MLYCD: variants seen among roughly 807,000 people sequenced by gnomAD.
MLYCD encodes malonyl-CoA decarboxylase, also known as malonyl-CoA decarboxylase, mitochondrial.
In MLYCD, 27 loss-of-function variants were observed where a neutral mutation model predicts 35.8. The ratio of observed to expected loss-of-function variants is 0.75; its 90% CI spans 0.56 to 1.04. The LOEUF is 1.04. Among genes scored for constraint, MLYCD ranks in the 50% least tolerant of loss-of-function variants. The pLI is 0.00. For synonymous variants in MLYCD, 403 were observed against 302.4 expected (o/e 1.33, Z -3.45); for missense variants, 917 against 665.1 (o/e 1.38, Z -4.17).
Position 83,899,133 on chromosome 16 carries a change from T to G in MLYCD, c.-12T>G. ...CGGCGGCGCTCCCCCTCGGCAGCTGTTGTGGGGCACCATGCGAGGCTTCGG... is the reference window on the plus strand; with the variant it reads ...CGGCGGCGCTCCCCCTCGGCAGCTGGTGTGGGGCACCATGCGAGGCTTCGG... On this transcript the variant is annotated 5_prime_UTR_variant, in exon 1 of 5. Coordinates refer to ENST00000262430, the MANE Select transcript of MLYCD (RefSeq NM_012213.3). 1 of 1,121,204 alleles carries G rather than the reference T, an allele frequency of 8.9e-7. No individual in the cohort carries two copies. Among genetic ancestry groups the G allele is most frequent in the Admixed American group, 4.9e-5 (1 of 20,334 alleles). 69.5% of individuals were successfully genotyped at this position (1,121,204 alleles called of 1,614,324 possible).
chr16:83,915,870 C>A lies in MLYCD; in HGVS notation c.*381C>A. The stretch of plus-strand genomic sequence containing the variant: ...TGGCATCCTCCTAAGGACCGGGGCG[C>A]GTGGCCCAGATAAGAATAGGTGTTC... On this transcript the variant is annotated 3_prime_UTR_variant, in exon 5 of 5. Transcript: ENST00000262430. 8.5e-7 allele frequency: 1 copy of A among 1,170,518 alleles called. No individual in the cohort carries two copies. Among genetic ancestry groups the A allele is most frequent in the South Asian group, 1.9e-5 (1 of 51,294 alleles). 72.5% of individuals were successfully genotyped at this position (1,170,518 alleles called of 1,614,324 possible). A position where few individuals can be genotyped will look rare whatever the true frequency, so the allele number is the denominator to read the frequency against.
At chr16:83,906,957 G>T (rs1426039505) in intron 1 of MLYCD, 30 bp from the exon 2 acceptor site, 1 of 1,585,274 alleles carries the variant, frequency 6.3e-7, no homozygotes, top group African/African-American at 1.3e-5. Flanking sequence ...TCGCACATTG[G>T]AGGCCTGGGA....
chr16:83,901,621 A>G (rs1406093718), intron 1 of MLYCD, among the ~76,000 whole-genome samples: 2 of 152,156 alleles, frequency 1.3e-5, no homozygotes, highest in Admixed American at 1.3e-4. Context: ...GTTCTGTGAG[A>G]TGCTGTGGAA....
intron 4 of MLYCD, 137 bp downstream of exon 4, chr16:83,912,504 G>A: frequency 8.2e-7 from 1 of 1,220,102 alleles, no homozygotes; most frequent in African/African-American, 1.5e-5. Flanking sequence ...TAGAAAAGGT[G>A]CCAGAGACCC....
intron 3 of MLYCD, 108 bp downstream of exon 3, chr16:83,908,390 A>T (rs200617669): frequency 1.8e-3 from 1,934 of 1,102,384 alleles, no homozygotes; most frequent in East Asian, 6.4e-3. Flanking sequence ...TTTTTTTTTT[A>T]AATAAATGGT....
At chr16:83,905,534 T>C (rs987214108) in intron 1 of MLYCD, among the ~76,000 whole-genome samples, 1 of 152,176 alleles carries the variant, frequency 6.6e-6, no homozygotes, top group African/African-American at 2.4e-5. Flanking sequence ...ATCTTGTTGC[T>C]CTGCCGAGAA....
chr16:83,917,561 G>A lies in MLYCD; in HGVS notation c.*2072G>A, dbSNP rs985412955. 4 of 152,990 alleles carry A rather than the reference G, an allele frequency of 2.6e-5. No homozygotes were observed. The highest frequency in any genetic ancestry group is 4.8e-5 in the African/African-American group (2 of 41,504). 9.5% of individuals were successfully genotyped at this position (152,990 alleles called of 1,614,324 possible). On this transcript the variant is annotated 3_prime_UTR_variant, in exon 5 of 5. Transcript: ENST00000262430. ...TACGGCGTGTTGCTTCGTGACAGAC[G>A]GTGTGATCGCGGGAGCTGTCTCATG...
At chr16:83,900,809 G>T (rs1200272042) in intron 1 of MLYCD, among the ~76,000 whole-genome samples, 7 of 152,090 alleles carry the variant, frequency 4.6e-5, no homozygotes, top group African/African-American at 1.7e-4. Flanking sequence ...CATTCCTTCA[G>T]TCTTACGTGG....
At chr16:83,901,620 G>A (rs1213896727) in intron 1 of MLYCD, among the ~76,000 whole-genome samples, 1 of 152,184 alleles carries the variant, frequency 6.6e-6, no homozygotes, top group Non-Finnish European at 1.5e-5. Context: ...GGTTCTGTGA[G>A]ATGCTGTGGA....
intron 4 of MLYCD, chr16:83,914,496 T>G: frequency 3.9e-6 from 1 of 254,840 alleles, no homozygotes; most frequent in Non-Finnish European, 7.7e-6. Flanking sequence ...GCTGTCTGGT[T>G]TTAGGCAAGT....
chr16:83,905,488 T>G (rs1445364381), intron 1 of MLYCD, among the ~76,000 whole-genome samples: 1 of 152,196 alleles, frequency 6.6e-6, no homozygotes, highest in Non-Finnish European at 1.5e-5. Context: ...CAGAGCTGAT[T>G]CTGCTCTTTG....
In MLYCD at chr16:83,919,213, A is replaced by G. The variant is rs556087776; in HGVS notation, c.*3724A>G. ...TCACACACAATGCACAGGAGAACAC[A>G]GTGCACAGGAGAACACACACACACA... On this transcript the variant is annotated 3_prime_UTR_variant, in exon 5 of 5. Coordinates refer to ENST00000262430, the MANE Select transcript of MLYCD (RefSeq NM_012213.3). 6.9e-3 allele frequency: 1,015 copies of G among 147,284 alleles called. 9 individuals are homozygous for G. The highest frequency in any genetic ancestry group is 0.022 in the Middle Eastern group (6 of 278). 9.1% of individuals were successfully genotyped at this position (147,284 alleles called of 1,614,324 possible).
In MLYCD at chr16:83,912,230, G is replaced by A. The variant is rs374866155; in HGVS notation, c.811G>A (p.Glu271Lys). 2 of 1,614,190 alleles carry A rather than the reference G, an allele frequency of 1.2e-6. No homozygotes were observed. The highest frequency in any genetic ancestry group is 1.1e-5 in the South Asian group (1 of 91,074). The stretch of plus-strand genomic sequence containing the variant: ...TGGTGTTTTCCAGGCAATCGTGAAG[G>A]AACATCCTCCATCAGAAACAGAAGA... ...ISSNIQAIVK[E>K]HPPSETEEKN... Residue 271 changes from glutamate (E) to lysine (K), a missense_variant, in exon 4 of 5, where the codon GAA (glutamate) becomes AAA (lysine). By Grantham distance (56) the Glu-to-Lys change is moderately conservative. Transcript: ENST00000262430.
In MLYCD at chr16:83,917,556, C is replaced by G. The variant is rs1202141263; in HGVS notation, c.*2067C>G. On this transcript the variant is annotated 3_prime_UTR_variant, in exon 5 of 5. Coordinates refer to ENST00000262430, the MANE Select transcript of MLYCD (RefSeq NM_012213.3). ...CTGCGTACGGCGTGTTGCTTCGTGACAGACGGTGTGATCGCGGGAGCTGTC... is the reference window on the plus strand; with the variant it reads ...CTGCGTACGGCGTGTTGCTTCGTGAGAGACGGTGTGATCGCGGGAGCTGTC... The G allele has an allele frequency of 6.5e-6, 1 of 153,198 alleles. No individual in the cohort carries two copies. The highest frequency in any genetic ancestry group is 1.5e-5 in the Non-Finnish European group (1 of 68,082). The allele number at this position is 153,198 out of a possible 1,614,324, so 9.5% of individuals were successfully genotyped here.
chr16:83,903,556 G>A (rs1906872373), intron 1 of MLYCD, among the ~76,000 whole-genome samples: 1 of 152,182 alleles, frequency 6.6e-6, no homozygotes, highest in African/African-American at 2.4e-5. Context: ...AGCAGATCTT[G>A]ATAGAGCTTC....
intron 3 of MLYCD, 96 bp downstream of exon 3, chr16:83,908,378 T>C: frequency 4.4e-6 from 6 of 1,375,258 alleles, no homozygotes; most frequent in South Asian, 2.7e-5. Context: ...TATCCTCCTT[T>C]TTTTTTTTTT....
chr16:83,899,292 C>T lies in MLYCD; in HGVS notation c.148C>T (p.Pro50Ser). ...MDELLRRAVP[P>S]TPAYELREKT... is the part of the protein sequence containing the mutation. ...CGAGCTGCTGCGCCGCGCGGTGCCGCCGACGCCGGCCTACGAGCTGCGCGA... is the reference window on the plus strand; with the variant it reads ...CGAGCTGCTGCGCCGCGCGGTGCCGTCGACGCCGGCCTACGAGCTGCGCGA... Residue 50 changes from proline (P) to serine (S), a missense_variant, in exon 1 of 5, where the codon CCG becomes TCG. Pro to Ser is a moderately conservative substitution (Grantham distance 74, BLOSUM62 -1). Transcript: ENST00000262430. 1.4e-6 allele frequency: 2 copies of T among 1,479,954 alleles called. No individual in the cohort carries two copies. Among genetic ancestry groups the T allele is most frequent in the South Asian group, 1.3e-5 (1 of 78,900 alleles). 91.7% of individuals were successfully genotyped at this position (1,479,954 alleles called of 1,614,324 possible).
intron 1 of MLYCD, among the ~76,000 whole-genome samples, chr16:83,904,652 G>C (rs1431106354): frequency 6.6e-6 from 1 of 152,202 alleles, no homozygotes; most frequent in Non-Finnish European, 1.5e-5. Context: ...CCAAGTAAAG[G>C]AGATTGAGTC....
chr16:83,900,445 A>G (rs540782072), intron 1 of MLYCD, among the ~76,000 whole-genome samples: 1 of 151,808 alleles, frequency 6.6e-6, no homozygotes, highest in Non-Finnish European at 1.5e-5. Context: ...TTTTATTTTT[A>G]TTTTTGTTGC....
Sources: gnomAD v4.1 joint callset for allele counts (sites outside exome capture counted in the v4.1 genomes callset) on GRCh38, gnomAD v4.1.1 for gene constraint, MANE v1.5 for transcripts, NCBI Gene and HGNC (gene_info 2026-07-23, HGNC 2026-07-21) for gene names.